The following TSPAN3 variants were observed in gnomAD, a reference collection of about 807,000 sequenced individuals.
TSPAN3 encodes tetraspanin 3.
A neutral mutation model predicts 31.1 loss-of-function variants in TSPAN3; 9 were observed. The observed-to-expected ratio is 0.29, with a 90% CI of 0.17 to 0.50. TSPAN3 has a LOEUF of 0.50. TSPAN3 is among the 20% of genes least tolerant of loss of function. The probability of loss-of-function intolerance (pLI) is 0.98; values close to 1 mark genes in which losing one functional copy is unlikely to be tolerated. For synonymous variants in TSPAN3, 129 were observed against 114.3 expected (o/e 1.13, Z -0.82); for missense variants, 252 against 313.5 (o/e 0.80, Z 1.48).
chr15:77,067,314 C>T (rs2076839435), intron 1 of TSPAN3, among the ~76,000 whole-genome samples: 2 of 152,208 alleles, frequency 1.3e-5, no homozygotes, highest in Non-Finnish European at 2.9e-5. Flanking sequence ...ACTATCTACA[C>T]CAAATCAACA....
At position 77,046,449 on chromosome 15, in the gene TSPAN3, C is replaced by A; in HGVS notation, c.*386G>T. 2.5e-6 allele frequency: 1 copy of A among 405,350 alleles called. No individual in the cohort carries two copies. Among genetic ancestry groups the A allele is most frequent in the Non-Finnish European group, 4.4e-6 (1 of 229,554 alleles). 25.1% of individuals were successfully genotyped at this position (405,350 alleles called of 1,614,324 possible). A position where few individuals can be genotyped will look rare whatever the true frequency, so the allele number is the denominator to read the frequency against. ...GGTTTCCTCCTCCTCCCCGCAAAAA[C>A]CTTTGGCCAAGAGTTCTCCACTGTG... On this transcript the variant is annotated 3_prime_UTR_variant, in exon 7 of 7. Transcript: ENST00000267970.
At chr15:77,047,003 A>G in intron 6 of TSPAN3, 76 bp from the exon 7 acceptor site, 5 of 1,223,074 alleles carry the variant, frequency 4.1e-6, no homozygotes, top group Non-Finnish European at 5.8e-6. Context: ...TTTGTTGGTA[A>G]AAGAGCTGTT....
At chr15:77,066,976 T>C (rs930045843) in intron 1 of TSPAN3, among the ~76,000 whole-genome samples, 1 of 152,012 alleles carries the variant, frequency 6.6e-6, no homozygotes, top group Non-Finnish European at 1.5e-5. Flanking sequence ...GTGAGGGGGC[T>C]GAGTATGCTG....
At chr15:77,049,363 T>G (rs1301011995) in intron 6 of TSPAN3, among the ~76,000 whole-genome samples, 1 of 152,162 alleles carries the variant, frequency 6.6e-6, no homozygotes, top group Non-Finnish European at 1.5e-5. Flanking sequence ...TCGTTCTATC[T>G]TGAGGATATG....
Position 77,043,134 on chromosome 15 carries a change from G to A in TSPAN3, c.*3701C>T, listed in dbSNP as rs2076669071. The stretch of plus-strand genomic sequence containing the variant: ...TCTCTGCTCCTGTGGCTTGGCGGGG[G>A]GGCACCTCCAGTAAGTTGATTCTCC... On this transcript the variant is annotated 3_prime_UTR_variant, in exon 7 of 7. Transcript: ENST00000267970. 2.0e-5 allele frequency: 3 copies of A among 152,250 alleles called. No homozygotes were observed. The highest frequency in any genetic ancestry group is 1.3e-4 in the Admixed American group (2 of 15,240). 9.4% of individuals were successfully genotyped at this position (152,250 alleles called of 1,614,324 possible). A position where few individuals can be genotyped will look rare whatever the true frequency, so the allele number is the denominator to read the frequency against.
rs893598982 is a variant in TSPAN3, at chr15:77,044,245, C to T, written c.*2590G>A. 1.3e-5 allele frequency: 2 copies of T among 152,230 alleles called. No individual in the cohort carries two copies. Among genetic ancestry groups the T allele is most frequent in the African/African-American group, 4.8e-5 (2 of 41,440 alleles). The allele number at this position is 152,230 out of a possible 1,614,324, so 9.4% of individuals were successfully genotyped here. On this transcript the variant is annotated 3_prime_UTR_variant, in exon 7 of 7. Transcript: ENST00000267970. Reference sequence around the variant, plus strand: ...AATGTGCAGCCACGGGCAGGAAACACCAGCCTAGTGGGTGAGCTCACTCAC... The same window carrying T: ...AATGTGCAGCCACGGGCAGGAAACATCAGCCTAGTGGGTGAGCTCACTCAC...
Position 77,044,021 on chromosome 15 carries a change from A to G in TSPAN3, c.*2814T>C, listed in dbSNP as rs943572483. 1.3e-5 allele frequency: 2 copies of G among 152,226 alleles called. No homozygotes were observed. Among genetic ancestry groups the G allele is most frequent in the Non-Finnish European group, 2.9e-5 (2 of 68,052 alleles). The allele number at this position is 152,226 out of a possible 1,614,324, so 9.4% of individuals were successfully genotyped here. A position where few individuals can be genotyped will look rare whatever the true frequency, so the allele number is the denominator to read the frequency against. On this transcript the variant is annotated 3_prime_UTR_variant, in exon 7 of 7. Transcript: ENST00000267970. The stretch of plus-strand genomic sequence containing the variant: ...GGTGTATCTGGGCAAAGGATATTTG[A>G]GCCTCATTTGTACAGTTTTTATTCT...
intron 1 of TSPAN3, among the ~76,000 whole-genome samples, chr15:77,067,353 C>T (rs1467608563): frequency 6.6e-6 from 1 of 152,220 alleles, no homozygotes; most frequent in Non-Finnish European, 1.5e-5. Context: ...AGATAATTTA[C>T]AGCCTGAGTA....
intron 1 of TSPAN3, among the ~76,000 whole-genome samples, chr15:77,060,737 G>C (rs1344308917): frequency 6.6e-6 from 1 of 152,094 alleles, no homozygotes; most frequent in East Asian, 1.9e-4. Flanking sequence ...CAGAAAAGGA[G>C]ATGAAATGTA....
chr15:77,061,717 C>G (rs1448833194), intron 1 of TSPAN3, among the ~76,000 whole-genome samples: 1 of 152,172 alleles, frequency 6.6e-6, no homozygotes, highest in African/African-American at 2.4e-5. Context: ...AAGGCGAAAG[C>G]ATCCCACAGG....
At chr15:77,069,671 C>A (rs955532393) in intron 1 of TSPAN3, among the ~76,000 whole-genome samples, 8 of 152,108 alleles carry the variant, frequency 5.3e-5, no homozygotes, top group Non-Finnish European at 1.0e-4. Flanking sequence ...TTTTATGAGA[C>A]AGCTGTCAGG....
intron 1 of TSPAN3, among the ~76,000 whole-genome samples, chr15:77,066,876 T>A (rs969685273): frequency 1.5e-4 from 23 of 152,136 alleles, no homozygotes; most frequent in African/African-American, 5.1e-4. Context: ...TTTTTTTACA[T>A]ACATGGAGGC....
At chr15:77,051,912 C>A (rs1178620971) in intron 6 of TSPAN3, among the ~76,000 whole-genome samples, 2 of 151,990 alleles carry the variant, frequency 1.3e-5, no homozygotes, top group Admixed American at 1.3e-4. Context: ...AGTACCAGTT[C>A]TTGATTTACG....
In TSPAN3 at chr15:77,046,972, C is replaced by T. The variant is rs372418012; in HGVS notation, c.670-45G>A. 2.6e-4 allele frequency: 381 copies of T among 1,455,240 alleles called. 2 individuals carry two copies. Among genetic ancestry groups the T allele is most frequent in the Non-Finnish European group, 3.3e-4 (346 of 1,060,574 alleles). 90.1% of individuals were successfully genotyped at this position (1,455,240 alleles called of 1,614,324 possible). A position where few individuals can be genotyped will look rare whatever the true frequency, so the allele number is the denominator to read the frequency against. On this transcript the variant is annotated intron_variant, in intron 6 of 6. Transcript: ENST00000267970. ...ATGGGGAAAAAAGGCTGAAAACCCT[C>T]TCATGGCAGGTGTGTATTTCTTTGT... is the stretch of plus-strand genomic sequence containing the variant.
intron 4 of TSPAN3, among the ~76,000 whole-genome samples, chr15:77,053,833 A>AT (rs2076749697): frequency 6.6e-6 from 1 of 152,114 alleles, no homozygotes; most frequent in Non-Finnish European, 1.5e-5. Context: ...CTAAAGGTAT[A>AT]TATAGACCTC....
chr15:77,042,013 T>C lies in TSPAN3; in HGVS notation c.*4822A>G, dbSNP rs961625566. 3 of 152,186 alleles carry C rather than the reference T, an allele frequency of 2.0e-5. No individual in the cohort carries two copies. The highest frequency in any genetic ancestry group is 7.2e-5 in the African/African-American group (3 of 41,452). 9.4% of individuals were successfully genotyped at this position (152,186 alleles called of 1,614,324 possible). A position where few individuals can be genotyped will look rare whatever the true frequency, so the allele number is the denominator to read the frequency against. Reference sequence around the variant, plus strand: ...CTTTATACACCTTGGTTAATCATGGTACTAATGTACCCACACAGCTAACAC... The same window carrying C: ...CTTTATACACCTTGGTTAATCATGGCACTAATGTACCCACACAGCTAACAC... On this transcript the variant is annotated 3_prime_UTR_variant, in exon 7 of 7. Transcript: ENST00000267970.
At chr15:77,064,005 G>A (rs1380668064) in intron 1 of TSPAN3, 1 of 152,210 alleles carries the variant, frequency 6.6e-6, no homozygotes, top group Non-Finnish European at 1.5e-5. Context: ...CCACACTTGG[G>A]TTATGTGTTT....
intron 1 of TSPAN3, among the ~76,000 whole-genome samples, chr15:77,061,349 G>T (rs1376449232): frequency 3.3e-5 from 5 of 152,112 alleles, no homozygotes; most frequent in Admixed American, 2.6e-4. Flanking sequence ...CCAACATGCA[G>T]AAACCCCGTC....
At chr15:77,061,222 A>T (rs1386119616) in intron 1 of TSPAN3, among the ~76,000 whole-genome samples, 1 of 152,180 alleles carries the variant, frequency 6.6e-6, no homozygotes, top group African/African-American at 2.4e-5. Flanking sequence ...TGAAAGAGAC[A>T]AGTAGATAAA....
Sources: allele counts gnomAD v4.1 joint callset (sites outside exome capture counted in the v4.1 genomes callset), GRCh38; gene constraint gnomAD v4.1.1; transcripts MANE v1.5; gene names NCBI Gene and HGNC (gene_info 2026-07-23, HGNC 2026-07-21).